Variants in RPS6KA2 observed in about 807,000 individuals in gnomAD.
The protein encoded by RPS6KA2 is ribosomal protein S6 kinase alpha-2.
In RPS6KA2, 42 loss-of-function variants were observed where a neutral mutation model predicts 91.8. The ratio of observed to expected loss-of-function variants is 0.46; its 90% CI spans 0.36 to 0.59. The LOEUF is 0.59. Among genes scored for constraint, RPS6KA2 ranks in the 20% least tolerant of loss-of-function variants. The probability of loss-of-function intolerance (pLI) is 0.00; values close to 1 mark genes in which losing one functional copy is unlikely to be tolerated. For synonymous variants in RPS6KA2, 414 were observed against 393.6 expected (o/e 1.05, Z -0.61); for missense variants, 798 against 978.5 (o/e 0.82, Z 2.46).
At chr6:166,565,332 G>A (rs540068816) in intron 1 of RPS6KA2, among the ~76,000 whole-genome samples, 2 of 152,390 alleles carry the variant, frequency 1.3e-5, no homozygotes, top group South Asian at 2.1e-4. Context: ...CCCTGAGCTT[G>A]TTCTTCTGCG....
At chr6:166,796,239 T>A (rs1486315701) in intron 2 of RPS6KA2, among the ~76,000 whole-genome samples, 1 of 152,222 alleles carries the variant, frequency 6.6e-6, no homozygotes, top group East Asian at 1.9e-4. Flanking sequence ...AGACCACTCA[T>A]GTCCATATGG....
Position 166,679,180 on chromosome 6 carries a change from G to A in RPS6KA2, c.124-140396C>T, listed in dbSNP as rs527249949. On this transcript the variant is annotated intron_variant, in intron 2 of 21. Coordinates refer to the RPS6KA2 transcript ENST00000503859. ...AAAATAATAAATATTGTCACCGGGC[G>A]TGGTGGCTCATGCCTATAATCCCAG... Among the ~76,000 whole-genome samples, 15 of 152,228 alleles carry A rather than the reference G, an allele frequency of 9.9e-5. No individual in the cohort carries two copies. In the South Asian group the frequency reaches 1.7e-3, roughly 17 times the overall value.
Position 166,767,376 on chromosome 6 carries a change from G to A in RPS6KA2, c.123+90824C>T, listed in dbSNP as rs187648353. ...CTCTAACCAAGACCACAAAGGCCGC[G>A]CGGATCAATGTGCTCCAGATCAATG... On this transcript the variant is annotated intron_variant, in intron 2 of 21. Transcript: ENST00000503859. The surrounding 1 kb of genome is among the most constrained non-coding windows in gnomAD (Gnocchi z 4.6). 2.8e-3 allele frequency among the ~76,000 whole-genome samples: 421 copies of A among 152,306 alleles called. 2 individuals carry two copies. The highest frequency in any genetic ancestry group is 4.9e-3 in the Non-Finnish European group (335 of 68,028).
At chr6:166,723,980 G>A (rs1790265023) in intron 2 of RPS6KA2, among the ~76,000 whole-genome samples, 1 of 152,120 alleles carries the variant, frequency 6.6e-6, no homozygotes, top group Admixed American at 6.5e-5. Flanking sequence ...GATTACAGGT[G>A]TGAGCCACTG....
chr6:166,564,239 C>CG (rs1237625998), intron 1 of RPS6KA2, among the ~76,000 whole-genome samples: 1 of 152,220 alleles, frequency 6.6e-6, no homozygotes, highest in African/African-American at 2.4e-5. Context: ...CCGCATCATT[C>CG]GATCAAGAGT....
intron 1 of RPS6KA2, among the ~76,000 whole-genome samples, chr6:166,555,287 G>T (rs578212890): frequency 2.0e-4 from 30 of 152,298 alleles, no homozygotes; most frequent in Admixed American, 2.0e-3. Flanking sequence ...GTTGTGAAAA[G>T]TCACATAGCT....
intron 3 of RPS6KA2, among the ~76,000 whole-genome samples, chr6:166,530,251 C>T (rs879495410): frequency 2.0e-5 from 3 of 152,188 alleles, no homozygotes; most frequent in Admixed American, 2.0e-4. Context: ...GCCAAGTGTG[C>T]CCCCCTCCCA....
rs141687094 is a variant in RPS6KA2, at chr6:166,651,084, G to A, written c.124-112300C>T. On this transcript the variant is annotated intron_variant, in intron 2 of 21. Transcript: ENST00000503859. The stretch of plus-strand genomic sequence containing the variant: ...GCTGTGGAAGCCAGGCTGTCAATCC[G>A]AAAATGTCAGCGCCTTGCTCAGATC... Among the ~76,000 whole-genome samples the A allele has an allele frequency of 3.9e-3, 594 of 152,300 alleles. 2 individuals are homozygous for A. Among genetic ancestry groups the A allele is most frequent in the African/African-American group, 0.012 (500 of 41,560 alleles).
rs961634451 is a variant in RPS6KA2, at chr6:166,840,710, C to T, written c.123+17490G>A. Among the ~76,000 whole-genome samples, 11 of 152,326 alleles carry T rather than the reference C, an allele frequency of 7.2e-5. 1 individual carries two copies. Among genetic ancestry groups the T allele is most frequent in the Admixed American group, 3.3e-4 (5 of 15,306 alleles). ...AAGCTGGGCCGGGCGTGGTGGCTCA[C>T]GCCTGTAATCCCAGGCTTAGGCGGG... On this transcript the variant is annotated intron_variant, in intron 2 of 21. Coordinates refer to the RPS6KA2 transcript ENST00000503859.
chr6:166,433,829 A>G lies in RPS6KA2; in HGVS notation c.1333-1339T>C, dbSNP rs1162329606. On this transcript the variant is annotated intron_variant, in intron 14 of 20. Coordinates refer to ENST00000265678, the MANE Select transcript of RPS6KA2 (RefSeq NM_021135.6). The surrounding 1 kb of genome is among the most constrained non-coding windows in gnomAD (Gnocchi z 4.4). ...GAATACAGTGGTACAAGCATAGTTCACTGCAACATCAAACCCCTGGGCTCA... is the reference window on the plus strand; with the variant it reads ...GAATACAGTGGTACAAGCATAGTTCGCTGCAACATCAAACCCCTGGGCTCA... Among the ~76,000 whole-genome samples, 1 of 152,164 alleles carries G rather than the reference A, an allele frequency of 6.6e-6. No individual in the cohort carries two copies. The highest frequency in any genetic ancestry group is 2.4e-5 in the African/African-American group (1 of 41,428).
rs1028192337 is a variant in RPS6KA2 at position 166,531,275 on chromosome 6, C to A, written c.255G>T (p.Gly85=). 1.1e-5 allele frequency: 17 copies of A among 1,614,004 alleles called. No homozygotes were observed. The African/African-American group carries it at 2.1e-4, about 20-fold the overall frequency. ...TAAGGACCTTCATGGCGTAGAGCTGCCCAGCGTCGGACCCCTTCACCTTCC... is the reference window on the plus strand; with the variant it reads ...TAAGGACCTTCATGGCGTAGAGCTGACCAGCGTCGGACCCCTTCACCTTCC... ...LVRKVKGSDA[G]QLYAMKVLKK... Residue 85 remains glycine, a synonymous_variant, in exon 3 of 21, where the codon GGG becomes GGT. Coordinates refer to ENST00000265678, the MANE Select transcript of RPS6KA2 (RefSeq NM_021135.6).
At chr6:166,532,547 T>C (rs937244200) in intron 2 of RPS6KA2, among the ~76,000 whole-genome samples, 2 of 152,204 alleles carry the variant, frequency 1.3e-5, no homozygotes, top group African/African-American at 4.8e-5. Flanking sequence ...CGGACCCCAC[T>C]GCTGCCCTGC....
rs1778603372 is a variant in RPS6KA2, at chr6:166,418,202, G to A, written c.1938+23C>T. The A allele has an allele frequency of 4.8e-6, 7 of 1,454,752 alleles. No homozygotes were observed. Among genetic ancestry groups the A allele is most frequent in the Non-Finnish European group, 6.7e-6 (7 of 1,045,974 alleles). 90.1% of individuals were successfully genotyped at this position (1,454,752 alleles called of 1,614,324 possible). A position where few individuals can be genotyped will look rare whatever the true frequency, so the allele number is the denominator to read the frequency against. ...TATTTCAGAATCTGAATATTTAAAA[G>A]CAACGCTGGGACATGTACTCACTTT... is the stretch of plus-strand genomic sequence containing the variant. On this transcript the variant is annotated intron_variant, in intron 19 of 20. Transcript: ENST00000265678. The surrounding 1 kb of genome is among the most constrained non-coding windows in gnomAD (Gnocchi z 4.9).
intron 2 of RPS6KA2, among the ~76,000 whole-genome samples, chr6:166,744,862 G>A (rs945521728): frequency 3.1e-4 from 47 of 152,166 alleles, no homozygotes; most frequent in Admixed American, 1.8e-3. Context: ...TAAAGCTTAG[G>A]GGGCCTGGGC....
chr6:166,460,186 G>A (rs1419959168), intron 11 of RPS6KA2, among the ~76,000 whole-genome samples: 4 of 152,192 alleles, frequency 2.6e-5, no homozygotes, highest in Non-Finnish European at 5.9e-5. Context: ...GCAGAGAACC[G>A]GCCCTTCCCA....
intron 8 of RPS6KA2, among the ~76,000 whole-genome samples, chr6:166,492,714 T>C (rs962381923): frequency 6.7e-5 from 9 of 135,212 alleles, no homozygotes; most frequent in Non-Finnish European, 1.3e-4. Flanking sequence ...GATTTCTTTT[T>C]CTTTTCTTTT....
chr6:166,484,999 C>T (rs141280510), intron 10 of RPS6KA2, among the ~76,000 whole-genome samples: 10 of 152,292 alleles, frequency 6.6e-5, no homozygotes, highest in East Asian at 5.8e-4. Context: ...AGCACCGTGC[C>T]GGGGGAAACC....
intron 2 of RPS6KA2, among the ~76,000 whole-genome samples, chr6:166,832,842 T>C (rs1237236243): frequency 1.3e-5 from 2 of 152,186 alleles, no homozygotes; most frequent in African/African-American, 4.8e-5. Context: ...AGAAACTAAA[T>C]GTTAGAAAAG....
chr6:166,781,284 T>C (rs1197874165), intron 2 of RPS6KA2, among the ~76,000 whole-genome samples: 4 of 152,236 alleles, frequency 2.6e-5, no homozygotes, highest in Non-Finnish European at 5.9e-5. Flanking sequence ...TATACATAAG[T>C]TGACTGTGCA....
Sources: allele counts gnomAD v4.1 joint callset (sites outside exome capture counted in the v4.1 genomes callset), GRCh38; gene constraint gnomAD v4.1.1; non-coding constraint Gnocchi (gnomAD v3.1); transcripts MANE v1.5; gene names NCBI Gene and HGNC (gene_info 2026-07-23, HGNC 2026-07-21).